Variants in UBE2E2 observed in about 807,000 individuals in gnomAD.
UBE2E2 encodes the protein ubiquitin conjugating enzyme E2 E2.
A neutral mutation model predicts 24.7 loss-of-function variants in UBE2E2; 6 were observed. That is an observed-to-expected ratio of 0.24 (90% CI 0.13 to 0.48). The LOEUF is 0.48. Ranked by LOEUF, UBE2E2 falls within the 20% of genes least tolerant of loss-of-function variation. The pLI is 0.99. For missense variants in UBE2E2, 169 were observed against 245.0 expected (o/e 0.69, Z 2.07); for synonymous variants, 104 against 83.6 (o/e 1.24, Z -1.33).
chr3:23,436,373 C>T (rs574243099), intron 3 of UBE2E2, among the ~76,000 whole-genome samples: 6 of 152,246 alleles, frequency 3.9e-5, no homozygotes, highest in East Asian at 3.9e-4. Flanking sequence ...GTTAACATTT[C>T]GTTAGTAATT....
At chr3:23,386,275 A>T (rs1696802547) in intron 3 of UBE2E2, among the ~76,000 whole-genome samples, 1 of 151,974 alleles carries the variant, frequency 6.6e-6, no homozygotes, top group Non-Finnish European at 1.5e-5. Context: ...TTCCTTGTTT[A>T]TAGAACAGCA....
intron 4 of UBE2E2, among the ~76,000 whole-genome samples, chr3:23,527,900 A>G (rs1231383390): frequency 6.6e-6 from 1 of 151,330 alleles, no homozygotes; most frequent in African/African-American, 2.4e-5. Context: ...TTTGTAATAT[A>G]TTTTATAATA....
rs73821813 is a variant in UBE2E2 at position 23,453,591 on chromosome 3, A to G, written c.228-46017A>G. On this transcript the variant is annotated intron_variant, in intron 3 of 5. Transcript: ENST00000396703. ...AGGTGCTTACAACAGTGGTTTGAGGATATTTTAAAATCCCTTTTTATATAT... is the reference window on the plus strand; with the variant it reads ...AGGTGCTTACAACAGTGGTTTGAGGGTATTTTAAAATCCCTTTTTATATAT... Among the ~76,000 whole-genome samples, 763 of 152,292 alleles carry G rather than the reference A, an allele frequency of 5.0e-3. 8 individuals are homozygous for G. The highest frequency in any genetic ancestry group is 0.017 in the African/African-American group (711 of 41,556).
chr3:23,482,392 T>C (rs1288602559), intron 3 of UBE2E2, among the ~76,000 whole-genome samples: 1 of 152,156 alleles, frequency 6.6e-6, no homozygotes, highest in Admixed American at 6.5e-5. Context: ...TCCACCAGGA[T>C]ATTCTGTGTG....
rs1213554177 is a variant in UBE2E2, at chr3:23,280,650, A to G, written c.227+63338A>G. ...GTGCCTTCTTTTGGTGGCATTTGCC[A>G]TAATTGTCCTAATAACTGTGCTTGT... On this transcript the variant is annotated intron_variant, in intron 3 of 5. Transcript: ENST00000396703. The surrounding 1 kb of genome is among the most constrained non-coding windows in gnomAD (Gnocchi z 4.3). 6.6e-6 allele frequency among the ~76,000 whole-genome samples: 1 copy of G among 152,210 alleles called. No individual in the cohort carries two copies. Among genetic ancestry groups the G allele is most frequent in the African/African-American group, 2.4e-5 (1 of 41,458 alleles).
chr3:23,271,905 T>C lies in UBE2E2; in HGVS notation c.227+54593T>C, dbSNP rs147071665. Among the ~76,000 whole-genome samples, 1,121 of 152,270 alleles carry C rather than the reference T, an allele frequency of 7.4e-3. 12 individuals carry two copies. The highest frequency in any genetic ancestry group is 0.025 in the African/African-American group (1,049 of 41,546). ...AGAGTGCTGATTGGTGCATATACAG[T>C]CCTCCAGCTAGACATAAAAGTTCTC... On this transcript the variant is annotated intron_variant, in intron 3 of 5. Transcript: ENST00000396703.
At chr3:23,566,510 A>G (rs1696076738) in intron 5 of UBE2E2, among the ~76,000 whole-genome samples, 1 of 152,180 alleles carries the variant, frequency 6.6e-6, no homozygotes, top group Non-Finnish European at 1.5e-5. Context: ...TTATAAAGAA[A>G]AAGTTTTATT....
intron 3 of UBE2E2, among the ~76,000 whole-genome samples, chr3:23,273,359 C>T (rs978899518): frequency 6.6e-6 from 1 of 151,892 alleles, no homozygotes; most frequent in African/African-American, 2.4e-5. Context: ...AACCCCGTCT[C>T]TACTAAAAAT....
At chr3:23,287,015 A>C (rs1262094023) in intron 3 of UBE2E2, among the ~76,000 whole-genome samples, 8 of 152,188 alleles carry the variant, frequency 5.3e-5, no homozygotes, top group African/African-American at 1.9e-4. Context: ...TCCAGATCTT[A>C]GAGGAAAGTC....
intron 3 of UBE2E2, among the ~76,000 whole-genome samples, chr3:23,388,957 G>A (rs1484084177): frequency 4.7e-5 from 7 of 149,578 alleles, no homozygotes; most frequent in Admixed American, 2.7e-4. Context: ...AGCCAAGATC[G>A]TGCCACTGCA....
At position 23,396,766 on chromosome 3, in the gene UBE2E2, G is replaced by A. The variant is rs538824666; in HGVS notation, c.228-102842G>A. On this transcript the variant is annotated intron_variant, in intron 3 of 5. Transcript: ENST00000396703. ...GATAAATAACATAAAATACAACAAC[G>A]TTTGACTCATAGTGAGCACTCAATA... Among the ~76,000 whole-genome samples, 67 of 152,108 alleles carry A rather than the reference G, an allele frequency of 4.4e-4. No individual in the cohort carries two copies. In the Middle Eastern group the frequency reaches 0.01, roughly 23 times the overall value.
intron 3 of UBE2E2, among the ~76,000 whole-genome samples, chr3:23,392,495 A>G (rs1304616329): frequency 6.6e-6 from 1 of 151,840 alleles, no homozygotes; most frequent in African/African-American, 2.4e-5. Context: ...TTCCTCTTAT[A>G]GTTTAAAAAA....
chr3:23,291,276 T>G (rs1198083221), intron 3 of UBE2E2, among the ~76,000 whole-genome samples: 1 of 152,156 alleles, frequency 6.6e-6, no homozygotes, highest in African/African-American at 2.4e-5. Flanking sequence ...ACTCACAAAT[T>G]ACTGGTTGAT....
At chr3:23,331,020 G>A (rs1343256847) in intron 3 of UBE2E2, among the ~76,000 whole-genome samples, 1 of 151,914 alleles carries the variant, frequency 6.6e-6, no homozygotes, top group East Asian at 1.9e-4. Context: ...ATTAATGTTT[G>A]CATGGAATAT....
chr3:23,416,846 A>G (rs1275876460), intron 3 of UBE2E2, among the ~76,000 whole-genome samples: 1 of 152,048 alleles, frequency 6.6e-6, no homozygotes. Flanking sequence ...CAATTCGGCT[A>G]TTGATACTTG....
chr3:23,484,942 A>C (rs1575660410), intron 3 of UBE2E2, among the ~76,000 whole-genome samples: 1 of 152,140 alleles, frequency 6.6e-6, no homozygotes, highest in East Asian at 1.9e-4. Context: ...TGAAGAAGAA[A>C]TTTGGGTGGG....
chr3:23,587,356 A>G (rs1287827411), intron 5 of UBE2E2, among the ~76,000 whole-genome samples: 3 of 152,162 alleles, frequency 2.0e-5, no homozygotes, highest in Non-Finnish European at 2.9e-5. Context: ...CTGAAGTGGC[A>G]GACCTGTCTT....
intron 3 of UBE2E2, among the ~76,000 whole-genome samples, chr3:23,472,368 G>C (rs1007332): frequency 2.6e-5 from 4 of 152,106 alleles, no homozygotes; most frequent in Admixed American, 6.5e-5. Flanking sequence ...ATAAGGACTG[G>C]TGAAATTTTG....
At chr3:23,240,262 C>G (rs1484277850) in intron 3 of UBE2E2, among the ~76,000 whole-genome samples, 1 of 152,108 alleles carries the variant, frequency 6.6e-6, no homozygotes, top group Non-Finnish European at 1.5e-5. Flanking sequence ...AATTTTATTT[C>G]TTTAGCTTAG....
Sources: gnomAD v4.1 joint callset for allele counts (sites outside exome capture counted in the v4.1 genomes callset) on GRCh38, gnomAD v4.1.1 for gene constraint, Gnocchi (gnomAD v3.1) non-coding constraint, MANE v1.5 for transcripts, NCBI Gene and HGNC (gene_info 2026-07-23, HGNC 2026-07-21) for gene names.